Variants in PTGR1 observed in about 807,000 individuals in gnomAD.
The protein encoded by PTGR1 is 15-oxoprostaglandin 13-reductase.
Under a neutral mutation model 37.7 loss-of-function variants are expected in PTGR1, and 23 were observed. The ratio of observed to expected loss-of-function variants is 0.61; its 90% CI spans 0.44 to 0.86. The LOEUF (loss-of-function observed/expected upper bound fraction) is 0.86. Ranked by LOEUF, PTGR1 falls within the 40% of genes least tolerant of loss-of-function variation. PTGR1 has a pLI of 0.00. For synonymous variants in PTGR1, 134 were observed against 140.0 expected, an observed-to-expected ratio of 0.96 and a Z score of 0.30; for missense variants, 351 against 394.3, an observed-to-expected ratio of 0.89 and a Z score of 0.93.
At chr9:111,553,102 T>G (rs1158705983) in intron 9 of PTGR1, among the ~76,000 whole-genome samples, 1 of 152,218 alleles carries the variant, frequency 6.6e-6, no homozygotes, top group Non-Finnish European at 1.5e-5. Flanking sequence ...GTGTATTCTT[T>G]TTTGACTTAC....
chr9:111,549,987 G>T (rs1446591191), intron 9 of PTGR1, among the ~76,000 whole-genome samples: 2 of 152,082 alleles, frequency 1.3e-5, no homozygotes, highest in African/African-American at 4.8e-5. Context: ...CTAGACATTT[G>T]AATTTTATAA....
downstream of PTGR1, among the ~76,000 whole-genome samples, chr9:111,562,158 C>T (rs550079869): frequency 6.6e-6 from 1 of 152,244 alleles, no homozygotes; most frequent in East Asian, 1.9e-4. Flanking sequence ...CAAACGTGAG[C>T]CACCGCGCCC....
At chr9:111,567,648 C>T (rs192556474) in intron 9 of PTGR1, among the ~76,000 whole-genome samples, 1 of 152,152 alleles carries the variant, frequency 6.6e-6, no homozygotes, top group Non-Finnish European at 1.5e-5. Flanking sequence ...TGAATATTAG[C>T]ACTTTGGTTT....
chr9:111,561,960 A>G (rs1238727570), downstream of PTGR1, among the ~76,000 whole-genome samples: 1 of 150,106 alleles, frequency 6.7e-6, no homozygotes, highest in African/African-American at 2.5e-5. Flanking sequence ...ATATCGGCTC[A>G]CTGCAACGTC....
At chr9:111,552,606 T>A (rs1231341839) in intron 9 of PTGR1, among the ~76,000 whole-genome samples, 1 of 152,206 alleles carries the variant, frequency 6.6e-6, no homozygotes, top group Admixed American at 6.5e-5. Flanking sequence ...GCCATGAGTT[T>A]GAGCCTTTAG....
chr9:111,564,089 C>A, intron 9 of PTGR1: 1 of 206,488 alleles, frequency 4.8e-6, no homozygotes, highest in Non-Finnish European at 9.7e-6. Flanking sequence ...CAAGGCACAG[C>A]CTACTAATGG....
At chr9:111,586,852 C>A (rs934197861) in intron 4 of PTGR1, among the ~76,000 whole-genome samples, 3 of 149,312 alleles carry the variant, frequency 2.0e-5, no homozygotes, top group Admixed American at 6.7e-5. Context: ...TGGAGTCTTG[C>A]TCTTGTCGCC....
intron 4 of PTGR1, chr9:111,592,635 G>A: frequency 3.6e-6 from 1 of 277,466 alleles, no homozygotes; most frequent in East Asian, 7.1e-5. Context: ...TGCATTGTGG[G>A]CTGCTGGCCA....
chr9:111,554,590 A>C (rs1224329764), intron 9 of PTGR1, among the ~76,000 whole-genome samples: 1 of 152,184 alleles, frequency 6.6e-6, no homozygotes, highest in Non-Finnish European at 1.5e-5. Context: ...TAACCCAAGA[A>C]GGCTACTAAG....
chr9:111,586,256 A>C, intron 4 of PTGR1, 91 bp from the exon 5 acceptor site: 1 of 1,282,114 alleles, frequency 7.8e-7, no homozygotes, highest in Non-Finnish European at 1.1e-6. Context: ...TGTTGACAAA[A>C]GTGCACTGAG....
Position 111,592,986 on chromosome 9 carries a change from CAAAAAAAAAAAAAAA to C in PTGR1, c.153-19_153-5del, listed in dbSNP as rs58142522. On this transcript the variant is annotated splice_polypyrimidine_tract_variant and splice_region_variant and intron_variant, in intron 3 of 9. Transcript: ENST00000407693. Reference sequence around the variant, plus strand: ...CTTCAATCTTTTGGCTGCCACTCTGCAAAAAAAAAAAAAAAAAAAAAAAAAAAAAAATAGGTAAAT... The same window carrying C: ...CTTCAATCTTTTGGCTGCCACTCTGCAAAAAAAAAAAAAAAATAGGTAAAT... The C allele has an allele frequency of 1.1e-3, 1,026 of 959,626 alleles. No homozygotes were observed. The highest frequency in any genetic ancestry group is 2.3e-3 in the South Asian group (97 of 42,490). 59.4% of individuals were successfully genotyped at this position (959,626 alleles called of 1,614,324 possible). A position where few individuals can be genotyped will look rare whatever the true frequency, so the allele number is the denominator to read the frequency against.
In PTGR1 at chr9:111,591,090, G is replaced by C. The variant is rs1829600415; in HGVS notation, c.209+1836C>G. ...GCGGATCACCTGAGGTCGGGAGTTC[G>C]AGACTAGCCCAACCAACATGGAGAA... On this transcript the variant is annotated intron_variant, in intron 4 of 9. Coordinates refer to ENST00000407693, the MANE Select transcript of PTGR1 (RefSeq NM_001146108.2). 2.0e-5 allele frequency among the ~76,000 whole-genome samples: 3 copies of C among 152,074 alleles called. No individual in the cohort carries two copies. In the South Asian group the frequency reaches 6.2e-4, roughly 32 times the overall value.
chr9:111,555,303 C>G lies in PTGR1; in HGVS notation c.880-5504G>C, dbSNP rs184473781. On this transcript the variant is annotated intron_variant, in intron 9 of 9. Coordinates refer to the PTGR1 transcript ENST00000538962. The stretch of plus-strand genomic sequence containing the variant: ...AATAAGGTAGGAGTGGCATTTTGAG[C>G]TCAAACTGTTCTGTGCACATTTTCA... 3.6e-3 allele frequency among the ~76,000 whole-genome samples: 553 copies of G among 152,188 alleles called. 17 individuals are homozygous for G. Among genetic ancestry groups the G allele is most frequent in the Admixed American group, 0.032 (493 of 15,284 alleles).
At chr9:111,571,400 C>T (rs1828813684) in intron 8 of PTGR1, among the ~76,000 whole-genome samples, 1 of 149,648 alleles carries the variant, frequency 6.7e-6, no homozygotes, top group South Asian at 2.2e-4. Flanking sequence ...CAGAGCGAGA[C>T]TCGGTTTCAA....
At position 111,567,475 on chromosome 9, in the gene PTGR1, G is replaced by A. The variant is rs118000247; in HGVS notation, c.879+2616C>T. ...GCTGGGATTACAAGTGTGAACCACC[G>A]TGCCAGTCCAGACGGCACTTTTTAG... On this transcript the variant is annotated intron_variant, in intron 9 of 9. Transcript: ENST00000407693. 7.0e-3 allele frequency among the ~76,000 whole-genome samples: 1,072 copies of A among 152,266 alleles called. 4 individuals carry two copies. Among genetic ancestry groups the A allele is most frequent in the Middle Eastern group, 0.014 (4 of 294 alleles).
At chr9:111,556,911 C>T (rs1444421485) in intron 9 of PTGR1, among the ~76,000 whole-genome samples, 3 of 152,154 alleles carry the variant, frequency 2.0e-5, no homozygotes, top group Non-Finnish European at 4.4e-5. Flanking sequence ...CTGTGATAGC[C>T]GTGGCTGGAG....
intron 9 of PTGR1, among the ~76,000 whole-genome samples, chr9:111,569,087 T>C (rs1205529086): frequency 3.3e-5 from 5 of 152,196 alleles, no homozygotes; most frequent in South Asian, 2.1e-4. Context: ...TCAAAATATA[T>C]TTAGTTTTCA....
At chr9:111,556,625 T>C (rs1828131201) in intron 9 of PTGR1, among the ~76,000 whole-genome samples, 1 of 152,236 alleles carries the variant, frequency 6.6e-6, no homozygotes, top group Admixed American at 6.5e-5. Flanking sequence ...TTAGGGTTTG[T>C]ATCCAATGCT....
chr9:111,573,589 G>A (rs1241123762), intron 8 of PTGR1, among the ~76,000 whole-genome samples: 1 of 152,000 alleles, frequency 6.6e-6, no homozygotes, highest in Non-Finnish European at 1.5e-5. Context: ...TTTTGGGGGG[G>A]GACCATAGGT....
Sources: gnomAD v4.1 joint callset for allele counts (sites outside exome capture counted in the v4.1 genomes callset) on GRCh38, gnomAD v4.1.1 for gene constraint, MANE v1.5 for transcripts, NCBI Gene and HGNC (gene_info 2026-07-23, HGNC 2026-07-21) for gene names.